The following GPR158 variants were observed in gnomAD, a reference collection of about 807,000 sequenced individuals.
GPR158 encodes G protein-coupled receptor 158, also known as metabotropic glycine receptor.
In GPR158, 30 loss-of-function variants were observed where a neutral mutation model predicts 78.2. The observed-to-expected ratio is 0.38, with a 90% CI of 0.29 to 0.52. GPR158 has a LOEUF of 0.52. Among genes scored for constraint, GPR158 ranks in the 20% least tolerant of loss-of-function variants. The pLI is 0.83. For synonymous variants in GPR158, 581 were observed against 591.1 expected (o/e 0.98, Z 0.25); for missense variants, 1,463 against 1,523.5 (o/e 0.96, Z 0.66).
In GPR158 at chr10:25,287,070, C is replaced by T. The variant is rs149409334; in HGVS notation, c.1008+65913C>T. ...ATTAAGCATCTGTTTTAGGCAGATA[C>T]TGTGCCCTAAGACTCATTTCTTAGG... On this transcript the variant is annotated intron_variant, in intron 2 of 10. Coordinates refer to ENST00000376351, the MANE Select transcript of GPR158 (RefSeq NM_020752.3). Among the ~76,000 whole-genome samples, 1,241 of 152,210 alleles carry T rather than the reference C, an allele frequency of 8.2e-3. 8 individuals carry two copies. The highest frequency in any genetic ancestry group is 0.013 in the Non-Finnish European group (874 of 68,000).
At chr10:25,226,325 G>C (rs974781932) in intron 2 of GPR158, among the ~76,000 whole-genome samples, 4 of 152,176 alleles carry the variant, frequency 2.6e-5, no homozygotes, top group Admixed American at 2.6e-4. Context: ...TCTGCCGTAG[G>C]ATATAGTCTA....
At chr10:25,436,984 AAGAG>A (rs761359265) in intron 4 of GPR158, among the ~76,000 whole-genome samples, 14 of 152,118 alleles carry the variant, frequency 9.2e-5, no homozygotes, top group South Asian at 2.1e-4. Flanking sequence ...CAGAGACAAA[AAGAG>A]AGAGAGGGAT....
At chr10:25,453,608 T>G (rs1835252187) in intron 4 of GPR158, among the ~76,000 whole-genome samples, 1 of 152,194 alleles carries the variant, frequency 6.6e-6, no homozygotes, top group Non-Finnish European at 1.5e-5. Flanking sequence ...GTGTATTATG[T>G]GATGTGAGAT....
At chr10:25,308,583 A>G (rs969792190) in intron 2 of GPR158, among the ~76,000 whole-genome samples, 5 of 152,122 alleles carry the variant, frequency 3.3e-5, no homozygotes, top group African/African-American at 1.2e-4. Flanking sequence ...CCATCTTAAC[A>G]GTTTTCAAGT....
intron 2 of GPR158, among the ~76,000 whole-genome samples, chr10:25,329,733 T>A (rs908029424): frequency 1.3e-5 from 2 of 151,914 alleles, no homozygotes; most frequent in African/African-American, 4.8e-5. Context: ...TAATTAGACA[T>A]CTAGCAGATC....
At chr10:25,299,089 A>G (rs1366750795) in intron 2 of GPR158, among the ~76,000 whole-genome samples, 3 of 152,198 alleles carry the variant, frequency 2.0e-5, no homozygotes, top group Non-Finnish European at 4.4e-5. Context: ...TTCTGCACTT[A>G]GAATAGTTTG....
At chr10:25,299,694 C>T (rs944182424) in intron 2 of GPR158, among the ~76,000 whole-genome samples, 12 of 152,118 alleles carry the variant, frequency 7.9e-5, no homozygotes, top group African/African-American at 2.4e-4. Context: ...TCAATGAACA[C>T]GGGAGTGCAG....
intron 7 of GPR158, among the ~76,000 whole-genome samples, chr10:25,579,756 T>C (rs552022002): frequency 6.6e-6 from 1 of 152,340 alleles, no homozygotes; most frequent in South Asian, 2.1e-4. Context: ...CACAGTTTCT[T>C]CCAGAAGTTA....
intron 2 of GPR158, among the ~76,000 whole-genome samples, chr10:25,248,016 T>C (rs1853724498): frequency 6.6e-6 from 1 of 151,896 alleles, no homozygotes; most frequent in African/African-American, 2.4e-5. Context: ...TTCTAACTGG[T>C]GTGAGATGGT....
At chr10:25,287,288 G>A (rs977924834) in intron 2 of GPR158, among the ~76,000 whole-genome samples, 1 of 151,918 alleles carries the variant, frequency 6.6e-6, no homozygotes, top group Non-Finnish European at 1.5e-5. Flanking sequence ...GTGCCCTAAG[G>A]GTGCACATCT....
intron 4 of GPR158, among the ~76,000 whole-genome samples, chr10:25,431,327 T>C (rs1588860552): frequency 1.4e-5 from 2 of 148,046 alleles, no homozygotes; most frequent in Non-Finnish European, 3.0e-5. Flanking sequence ...TCACACCAGT[T>C]AGAATGGCAG....
chr10:25,474,281 A>G (rs1283413257), intron 5 of GPR158, among the ~76,000 whole-genome samples: 2 of 152,152 alleles, frequency 1.3e-5, no homozygotes, highest in South Asian at 2.1e-4. Context: ...CTGTAAAATA[A>G]TAAGTCAATG....
chr10:25,303,023 ACT>A lies in GPR158; in HGVS notation c.1008+81870_1008+81871del, dbSNP rs547286757. Among the ~76,000 whole-genome samples, 7 of 152,180 alleles carry A rather than the reference ACT, an allele frequency of 4.6e-5. No individual in the cohort carries two copies. The South Asian group carries it at 1.2e-3, about 27-fold the overall frequency. The stretch of plus-strand genomic sequence containing the variant: ...TCATAATACGTGGCATTAGGCAAAG[ACT>A]CTCATGGTGCCCCATGTCAAGATGG... On this transcript the variant is annotated intron_variant, in intron 2 of 10. Transcript: ENST00000376351.
chr10:25,402,936 T>C (rs1564445691), intron 3 of GPR158, among the ~76,000 whole-genome samples: 1 of 151,806 alleles, frequency 6.6e-6, no homozygotes, highest in Non-Finnish European at 1.5e-5. Flanking sequence ...AAAAATATTA[T>C]ATACTCATTC....
At chr10:25,582,932 G>T (rs990205556) in intron 7 of GPR158, among the ~76,000 whole-genome samples, 5 of 152,106 alleles carry the variant, frequency 3.3e-5, no homozygotes, top group African/African-American at 1.2e-4. Context: ...AACAATTGCT[G>T]CCTGGAAAAA....
chr10:25,483,298 C>G (rs1835684393), intron 5 of GPR158, among the ~76,000 whole-genome samples: 1 of 152,078 alleles, frequency 6.6e-6, no homozygotes, highest in Non-Finnish European at 1.5e-5. Context: ...TCCAGTAACA[C>G]TGGGCTCTTC....
intron 1 of GPR158, among the ~76,000 whole-genome samples, chr10:25,196,438 C>G (rs1443692788): frequency 6.6e-6 from 1 of 151,936 alleles, no homozygotes; most frequent in Non-Finnish European, 1.5e-5. Context: ...ATTGTTGTTC[C>G]AACTTCAGTT....
chr10:25,541,849 G>T (rs537918101), intron 5 of GPR158, among the ~76,000 whole-genome samples: 1 of 150,734 alleles, frequency 6.6e-6, no homozygotes, highest in Non-Finnish European at 1.5e-5. Context: ...AGGATTGTTG[G>T]CAGCATAGCA....
intron 2 of GPR158, among the ~76,000 whole-genome samples, chr10:25,241,291 TTTC>T (rs1162373282): frequency 1.8e-5 from 2 of 111,438 alleles, no homozygotes; most frequent in African/African-American, 3.8e-5. Context: ...TTTCTTTTCT[TTTC>T]TTTTCTTTTC....
Sources: gnomAD v4.1 joint callset for allele counts (sites outside exome capture counted in the v4.1 genomes callset) on GRCh38, gnomAD v4.1.1 for gene constraint, MANE v1.5 for transcripts, NCBI Gene and HGNC (gene_info 2026-07-23, HGNC 2026-07-21) for gene names.